Variants in GALNT17 observed in about 807,000 individuals in gnomAD.
The protein encoded by GALNT17 is polypeptide N-acetylgalactosaminyltransferase 17, also known as UDP-GalNAc:polypeptide N-acetylgalactosaminyltransferase-like 3.
GALNT17 carries 29 observed loss-of-function variants against 63.7 expected under a neutral mutation model. That is an observed-to-expected ratio of 0.46 (90% CI 0.34 to 0.62). GALNT17 has a LOEUF of 0.62. Among genes scored for constraint, GALNT17 ranks in the 20% least tolerant of loss-of-function variants. GALNT17 has a pLI of 0.01. For synonymous variants in GALNT17, 305 were observed against 318.3 expected (o/e 0.96, Z 0.45); for missense variants, 603 against 799.6 (o/e 0.75, Z 2.97).
Position 71,712,146 on chromosome 7 carries a change from G to C in GALNT17, c.1797G>C (p.Ter599TyrextTer52). 1 of 1,612,100 alleles carries C rather than the reference G, an allele frequency of 6.2e-7. No individual in the cohort carries two copies. Among genetic ancestry groups the C allele is most frequent in the Non-Finnish European group, 8.5e-7 (1 of 1,178,920 alleles). ...QRWTIKNSIK[*>Y] ...GGACCATTAAGAACTCCATCAAGTA[G>C]AGGGAGGGAGCTGGGGCACTGGAGC... Residue 599 changes from the stop codon to tyrosine, a stop_lost, in exon 11 of 11, where the codon TAG (stop) becomes TAC (tyrosine). Coordinates refer to ENST00000333538, the MANE Select transcript of GALNT17 (RefSeq NM_022479.3).
At chr7:71,191,776 C>A (rs1788955640) in intron 1 of GALNT17, among the ~76,000 whole-genome samples, 1 of 152,010 alleles carries the variant, frequency 6.6e-6, no homozygotes, top group African/African-American at 2.4e-5. Flanking sequence ...ATTTTCATTT[C>A]TTTTATATAA....
At chr7:71,147,787 A>T (rs1288963764) in intron 1 of GALNT17, among the ~76,000 whole-genome samples, 1 of 151,912 alleles carries the variant, frequency 6.6e-6, no homozygotes, top group South Asian at 2.1e-4. Context: ...GTGCACCACC[A>T]CACCCGGCTA....
chr7:71,193,192 G>A (rs955759010), intron 1 of GALNT17, among the ~76,000 whole-genome samples: 1 of 151,656 alleles, frequency 6.6e-6, no homozygotes, highest in Non-Finnish European at 1.5e-5. Flanking sequence ...TTGACCTCCC[G>A]GGCTCAAGCT....
intron 2 of GALNT17, among the ~76,000 whole-genome samples, chr7:71,377,142 A>AT (rs1218673941): frequency 8.0e-6 from 1 of 125,266 alleles, no homozygotes; most frequent in Non-Finnish European, 1.6e-5. Flanking sequence ...TATATATATA[A>AT]AATCTCCTTC....
intron 3 of GALNT17, among the ~76,000 whole-genome samples, chr7:71,391,757 G>T (rs1404642451): frequency 2.0e-5 from 3 of 152,160 alleles, no homozygotes; most frequent in African/African-American, 7.2e-5. Context: ...AATGTGCTGG[G>T]ATTACAGGTG....
intron 1 of GALNT17, among the ~76,000 whole-genome samples, chr7:71,163,514 A>G (rs1788385005): frequency 6.6e-6 from 1 of 152,194 alleles, no homozygotes; most frequent in South Asian, 2.1e-4. Context: ...CCTTTTCCCT[A>G]ATCACGAGCC....
intron 5 of GALNT17, among the ~76,000 whole-genome samples, chr7:71,525,736 C>CTTTTTTTT (rs71089950): frequency 2.3e-4 from 17 of 75,054 alleles, no homozygotes; most frequent in Non-Finnish European, 2.0e-4. Context: ...TATGTCTTTT[C>CTTTTTTTT]TTTTTTTTTT....
intron 5 of GALNT17, among the ~76,000 whole-genome samples, chr7:71,504,135 G>T (rs1376056947): frequency 6.6e-6 from 1 of 151,980 alleles, no homozygotes; most frequent in Admixed American, 6.6e-5. Context: ...GGCTGAGGCA[G>T]GAGAATGGTG....
chr7:71,304,436 G>C (rs1401772989), intron 1 of GALNT17, among the ~76,000 whole-genome samples: 1 of 152,150 alleles, frequency 6.6e-6, no homozygotes, highest in Non-Finnish European at 1.5e-5. Context: ...ATTACCGTAT[G>C]ATCTTAAATA....
At chr7:71,340,321 G>A (rs914821186) in intron 2 of GALNT17, among the ~76,000 whole-genome samples, 3 of 152,114 alleles carry the variant, frequency 2.0e-5, no homozygotes, top group Non-Finnish European at 1.5e-5. Flanking sequence ...TTGGACAGAG[G>A]ATAACAAGGC....
At chr7:71,212,010 C>T (rs1585884767) in intron 1 of GALNT17, among the ~76,000 whole-genome samples, 1 of 152,322 alleles carries the variant, frequency 6.6e-6, no homozygotes, top group Non-Finnish European at 1.5e-5. Flanking sequence ...CAGAAATTTG[C>T]ATAAGAAGCA....
chr7:71,637,741 G>T (rs1225968827), intron 6 of GALNT17, among the ~76,000 whole-genome samples: 1 of 152,270 alleles, frequency 6.6e-6, no homozygotes, highest in African/African-American at 2.4e-5. Flanking sequence ...CCTGTACGCT[G>T]TCGCTGTGCT....
chr7:71,353,506 T>C (rs1445923339), intron 2 of GALNT17, among the ~76,000 whole-genome samples: 2 of 152,236 alleles, frequency 1.3e-5, no homozygotes, highest in Admixed American at 1.3e-4. Context: ...AGCCCTTTAG[T>C]CTTTGTCTTT....
At chr7:71,699,893 A>G (rs147441860) in intron 9 of GALNT17, among the ~76,000 whole-genome samples, 48 of 152,150 alleles carry the variant, frequency 3.2e-4, no homozygotes, top group African/African-American at 1.1e-3. Flanking sequence ...TGATCACTTT[A>G]CTGCACTGCA....
intron 1 of GALNT17, among the ~76,000 whole-genome samples, chr7:71,291,663 T>G (rs12699008): frequency 3.9e-5 from 6 of 152,188 alleles, no homozygotes; most frequent in African/African-American, 1.2e-4. Flanking sequence ...ATTTTTAATT[T>G]TAATGTTATG....
Position 71,455,618 on chromosome 7 carries a change from C to G in GALNT17, c.962+34513C>G, listed in dbSNP as rs147788942. Reference sequence around the variant, plus strand: ...GCGCTGTGCCAGACCCCAGACCAGACCCTATGGGATGAGCCAACAGTTCTT... The same window carrying G: ...GCGCTGTGCCAGACCCCAGACCAGAGCCTATGGGATGAGCCAACAGTTCTT... On this transcript the variant is annotated intron_variant, in intron 5 of 10. Transcript: ENST00000333538. 2.3e-4 allele frequency among the ~76,000 whole-genome samples: 35 copies of G among 152,036 alleles called. No individual in the cohort carries two copies. In the East Asian group the frequency reaches 2.5e-3, roughly 11 times the overall value.
intron 5 of GALNT17, among the ~76,000 whole-genome samples, chr7:71,449,946 C>T (rs963160487): frequency 6.6e-6 from 1 of 151,010 alleles, no homozygotes; most frequent in Non-Finnish European, 1.5e-5. Context: ...GAGGCTGAGG[C>T]AGGAGAAATC....
At chr7:71,228,895 C>T (rs1448164104) in intron 1 of GALNT17, among the ~76,000 whole-genome samples, 3 of 151,974 alleles carry the variant, frequency 2.0e-5, no homozygotes, top group South Asian at 2.1e-4. Context: ...GGGTGGCAGT[C>T]GTTAGCCCTT....
chr7:71,589,320 G>A (rs1789764511), intron 6 of GALNT17, among the ~76,000 whole-genome samples: 1 of 152,172 alleles, frequency 6.6e-6, no homozygotes, highest in Admixed American at 6.5e-5. Flanking sequence ...GCTCACACCT[G>A]TAATCTCAGT....
Sources: gnomAD v4.1 joint callset for allele counts (sites outside exome capture counted in the v4.1 genomes callset) on GRCh38, gnomAD v4.1.1 for gene constraint, MANE v1.5 for transcripts, NCBI Gene and HGNC (gene_info 2026-07-23, HGNC 2026-07-21) for gene names.